NME9: variants seen among roughly 807,000 people sequenced by gnomAD.
NME9 encodes the protein thioredoxin domain-containing protein 6.
NME9 carries 48 observed loss-of-function variants against 44.4 expected under a neutral mutation model. That is an observed-to-expected ratio of 1.08 (90% CI 0.86 to 1.37). The LOEUF (loss-of-function observed/expected upper bound fraction) is 1.37. NME9 is among the 40% of genes most tolerant of loss of function. NME9 has a pLI of 0.00. For synonymous variants in NME9, 139 were observed against 147.1 expected (o/e 0.94, Z 0.40); for missense variants, 325 against 405.2 (o/e 0.80, Z 1.70).
chr3:138,276,744 TGATAA>T (rs2049335107), intron 8 of NME9, among the ~76,000 whole-genome samples: 1 of 152,148 alleles, frequency 6.6e-6, no homozygotes, highest in Non-Finnish European at 1.5e-5. Context: ...ATAAAAACAC[TGATAA>T]TGAAAGAAAT....
chr3:138,315,487 A>T, intron 5 of NME9, 40 bp downstream of exon 5: 1 of 1,359,910 alleles, frequency 7.4e-7, no homozygotes, highest in Non-Finnish European at 1.0e-6. Flanking sequence ...CTACTAGCGC[A>T]CTTGTGAGTT....
intron 8 of NME9, among the ~76,000 whole-genome samples, chr3:138,293,888 T>C (rs2051220708): frequency 6.6e-6 from 1 of 152,218 alleles, no homozygotes. Context: ...ACCACTCTGG[T>C]GCTGTTTTCA....
At chr3:138,263,545 C>T in intron 8 of NME9, 1 of 602,242 alleles carries the variant, frequency 1.7e-6, no homozygotes, top group Non-Finnish European at 3.0e-6. Flanking sequence ...TTCAGCCTGG[C>T]AGGTCCTTAG....
chr3:138,303,621 C>A lies in NME9; in HGVS notation c.814G>T (p.Glu272Ter). The change falls in exon 10 of 11, where the codon GAA (glutamate) becomes TAA (stop). Residue 272 changes from glutamate (E) to a stop codon, truncating the protein, a stop_gained. Coordinates refer to ENST00000333911, the MANE Select transcript of NME9 (RefSeq NM_001349018.2). LOFTEE classifies it high-confidence loss of function. Reference sequence around the variant, plus strand: ...CCATGGACGGCATTGAAGGGCATTTCTGTGCCGTACTGAGCTCGGAGACTG... The same window carrying A: ...CCATGGACGGCATTGAAGGGCATTTATGTGCCGTACTGAGCTCGGAGACTG... ...PESLRAQYGT[E>*]MPFNAVHGSR... The A allele has an allele frequency of 6.2e-7, 1 of 1,612,834 alleles. No individual in the cohort carries two copies. Among genetic ancestry groups the A allele is most frequent in the Non-Finnish European group, 8.5e-7 (1 of 1,178,840 alleles).
chr3:138,296,491 T>C (rs2051494704), downstream of NME9: 1 of 151,798 alleles, frequency 6.6e-6, no homozygotes, highest in Non-Finnish European at 1.5e-5. Context: ...TATTTGTAAG[T>C]AAAAAATATA....
At chr3:138,310,558 A>G (rs1445271857) in intron 6 of NME9, among the ~76,000 whole-genome samples, 1 of 152,196 alleles carries the variant, frequency 6.6e-6, no homozygotes, top group Non-Finnish European at 1.5e-5. Flanking sequence ...CAGAAATCAT[A>G]TATATCTTTT....
At chr3:138,310,835 C>T (rs903403707) in intron 6 of NME9, among the ~76,000 whole-genome samples, 11 of 151,994 alleles carry the variant, frequency 7.2e-5, no homozygotes, top group East Asian at 5.8e-4. Flanking sequence ...TTCAAATAAC[C>T]GAATGGATGC....
At chr3:138,314,627 T>C (rs1316199913) in intron 5 of NME9, among the ~76,000 whole-genome samples, 1 of 152,204 alleles carries the variant, frequency 6.6e-6, no homozygotes, top group Non-Finnish European at 1.5e-5. Context: ...GCTTAAGTTT[T>C]AGAGTCTGCC....
intron 10 of NME9, among the ~76,000 whole-genome samples, chr3:138,302,494 C>G (rs557091890): frequency 3.1e-4 from 47 of 152,298 alleles, no homozygotes; most frequent in Non-Finnish European, 2.8e-4. Flanking sequence ...CATGGACTCT[C>G]TGAGGGCAGG....
At chr3:138,290,402 A>G (rs1577053485) in intron 8 of NME9, 1 of 627,292 alleles carries the variant, frequency 1.6e-6, no homozygotes, top group South Asian at 2.0e-5. Context: ...AGCGGGTCCA[A>G]CTACATTGGG....
At chr3:138,305,925 A>G (rs1008141964) in intron 8 of NME9, 79 bp downstream of exon 8, 32 of 960,320 alleles carry the variant, frequency 3.3e-5, no homozygotes, top group Non-Finnish European at 4.9e-5. Flanking sequence ...TCTGTCACAA[A>G]CTGATATCAA....
chr3:138,306,792 C>T (rs1395415546), intron 6 of NME9, among the ~76,000 whole-genome samples: 1 of 152,202 alleles, frequency 6.6e-6, no homozygotes, highest in East Asian at 1.9e-4. Flanking sequence ...AGGGATTGCT[C>T]AAAGACTGCT....
chr3:138,313,497 T>C (rs531113335), intron 6 of NME9, among the ~76,000 whole-genome samples: 1 of 152,278 alleles, frequency 6.6e-6, no homozygotes, highest in East Asian at 1.9e-4. Flanking sequence ...ACAGCCACTA[T>C]AGAAAACAGT....
intron 6 of NME9, among the ~76,000 whole-genome samples, chr3:138,311,954 T>C (rs2052733108): frequency 1.3e-5 from 2 of 152,178 alleles, no homozygotes; most frequent in African/African-American, 4.8e-5. Context: ...CCGTAGCATA[T>C]GTATATACCA....
At chr3:138,268,594 T>G (rs2048496691) in intron 8 of NME9, among the ~76,000 whole-genome samples, 1 of 152,066 alleles carries the variant, frequency 6.6e-6, no homozygotes, top group South Asian at 2.1e-4. Flanking sequence ...CGGGGCAACA[T>G]AGCAAGACCT....
At chr3:138,294,952 G>C (rs1288316229) in intron 8 of NME9, among the ~76,000 whole-genome samples, 1 of 150,530 alleles carries the variant, frequency 6.6e-6, no homozygotes, top group African/African-American at 2.5e-5. Flanking sequence ...AGGCTGGAGT[G>C]CAATGGCACC....
At chr3:138,324,827 A>G in intron 2 of NME9, 46 bp downstream of exon 2, 1 of 1,422,776 alleles carries the variant, frequency 7.0e-7, no homozygotes, top group Non-Finnish European at 9.9e-7. Context: ...ACCATTTAAT[A>G]ATTTAGAAAA....
chr3:138,306,524 C>T (rs755305328), intron 6 of NME9, 44 bp from the exon 7 acceptor site: 4 of 1,178,140 alleles, frequency 3.4e-6, no homozygotes, highest in Non-Finnish European at 5.0e-6. Flanking sequence ...GTTTGAGGCT[C>T]CTGAGAGGCC....
intron 6 of NME9, among the ~76,000 whole-genome samples, chr3:138,308,513 TGGG>T (rs1284353561): frequency 6.6e-6 from 1 of 152,158 alleles, no homozygotes; most frequent in African/African-American, 2.4e-5. Flanking sequence ...AGTTAATATT[TGGG>T]GAACACAGGA....
Sources: allele counts gnomAD v4.1 joint callset (sites outside exome capture counted in the v4.1 genomes callset), GRCh38; gene constraint gnomAD v4.1.1; transcripts MANE v1.5; gene names NCBI Gene and HGNC (gene_info 2026-07-23, HGNC 2026-07-21).